Variants in ITGA2 observed in about 807,000 individuals in gnomAD.
The protein encoded by ITGA2 is integrin alpha-2.
ITGA2 carries 101 observed loss-of-function variants against 146.3 expected under a neutral mutation model. The ratio of observed to expected loss-of-function variants is 0.69; its 90% CI spans 0.59 to 0.81. The LOEUF is 0.81. Among genes scored for constraint, ITGA2 ranks in the 40% least tolerant of loss-of-function variants. The pLI is 0.00. For missense variants in ITGA2, 1,281 were observed against 1,402.7 expected (o/e 0.91, Z 1.39); for synonymous variants, 477 against 487.1 (o/e 0.98, Z 0.27).
intron 1 of ITGA2, among the ~76,000 whole-genome samples, chr5:53,016,497 T>C (rs1742405339): frequency 6.6e-6 from 1 of 152,188 alleles, no homozygotes. Context: ...ACCTAGCCCT[T>C]CTTTCTGGCT....
chr5:53,058,297 T>TTCA (rs1744736210), intron 10 of ITGA2, among the ~76,000 whole-genome samples, 196 bp downstream of exon 10: 1 of 151,850 alleles, frequency 6.6e-6, no homozygotes, highest in African/African-American at 2.4e-5. Flanking sequence ...CCTTCCCTGT[T>TTCA]TCACAGGGAT....
At chr5:53,006,702 T>C (rs188830821) in intron 1 of ITGA2, among the ~76,000 whole-genome samples, 3 of 152,160 alleles carry the variant, frequency 2.0e-5, no homozygotes, top group African/African-American at 7.2e-5. Context: ...GTCAAAGGCA[T>C]ATTTATTATA....
At chr5:53,086,369 A>ACTG (rs979896478) in intron 27 of ITGA2, among the ~76,000 whole-genome samples, 1 of 152,206 alleles carries the variant, frequency 6.6e-6, no homozygotes, top group Non-Finnish European at 1.5e-5. Flanking sequence ...CTGAAGTTAT[A>ACTG]CTGATGTGAT....
chr5:53,042,649 G>A (rs1474149466), intron 3 of ITGA2, among the ~76,000 whole-genome samples: 2 of 152,076 alleles, frequency 1.3e-5, no homozygotes, highest in African/African-American at 4.8e-5. Context: ...CTAAATGATG[G>A]CATTCTAATA....
At chr5:53,049,223 G>A (rs565119512) in intron 6 of ITGA2, among the ~76,000 whole-genome samples, 61 of 149,432 alleles carry the variant, frequency 4.1e-4, no homozygotes, top group African/African-American at 1.4e-3. Flanking sequence ...TGTTGGCCAG[G>A]CTGGCCTTGA....
intron 3 of ITGA2, 62 bp downstream of exon 3, chr5:53,042,283 C>T: frequency 9.7e-7 from 1 of 1,029,570 alleles, no homozygotes; most frequent in Non-Finnish European, 1.5e-6. Context: ...AAAATAACAT[C>T]AGAACAATCA....
intron 1 of ITGA2, among the ~76,000 whole-genome samples, chr5:53,019,050 C>T (rs1031749613): frequency 2.0e-5 from 3 of 150,662 alleles, no homozygotes; most frequent in African/African-American, 7.4e-5. Context: ...GGTAACAGAG[C>T]GAGACTCCAG....
At chr5:53,044,804 C>A (rs758567505) in intron 3 of ITGA2, among the ~76,000 whole-genome samples, 197 bp from the exon 4 acceptor site, 14 of 152,154 alleles carry the variant, frequency 9.2e-5, no homozygotes, top group Admixed American at 3.3e-4. Context: ...TGCTCTGCAG[C>A]CTCACACATT....
At position 52,989,380 on chromosome 5, in the gene ITGA2, T is replaced by A. The variant is rs543948644; in HGVS notation, c.-89T>A. ...GAAGCCCTCTGGACAGCTTCTAGAG[T>A]GTGCAGGTTCTCGTATCCCTCGGCC... On this transcript the variant is annotated 5_prime_UTR_variant, in exon 1 of 30. Transcript: ENST00000296585. 4.0e-5 allele frequency: 53 copies of A among 1,335,336 alleles called. No individual in the cohort carries two copies. The highest frequency in any genetic ancestry group is 7.1e-5 in the South Asian group (6 of 84,898). The allele number at this position is 1,335,336 out of a possible 1,614,324, so 82.7% of individuals were successfully genotyped here.
chr5:53,042,522 C>A (rs576352077), intron 3 of ITGA2, among the ~76,000 whole-genome samples: 2 of 152,218 alleles, frequency 1.3e-5, no homozygotes, highest in Admixed American at 6.5e-5. Flanking sequence ...ATCCTTGAAT[C>A]CGAGGCTATC....
At chr5:53,048,878 C>A in intron 6 of ITGA2, 108 bp downstream of exon 6, 2 of 1,193,236 alleles carry the variant, frequency 1.7e-6, no homozygotes, top group Non-Finnish European at 2.4e-6. Context: ...ATTTTAAATG[C>A]ATTTGATGGT....
chr5:53,021,060 C>G (rs982631251), intron 1 of ITGA2, among the ~76,000 whole-genome samples: 2 of 151,968 alleles, frequency 1.3e-5, no homozygotes, highest in Non-Finnish European at 2.9e-5. Flanking sequence ...CACAATTGTA[C>G]TGTTTGTTGT....
In ITGA2 at chr5:53,090,047, TG is replaced by T; in HGVS notation, c.3451del (p.Ala1151GlnfsTer16). 1 of 1,598,418 alleles carries T rather than the reference TG, an allele frequency of 6.3e-7. No homozygotes were observed. Among genetic ancestry groups the T allele is most frequent in the East Asian group, 2.2e-5 (1 of 44,780 alleles). On this transcript the variant is annotated frameshift_variant, in exon 29 of 30. Transcript: ENST00000296585. LOFTEE classifies it high-confidence loss of function. ...AGILLLLALV[A>X]ILWKLGFFKR... ...GAATCCTTTTGCTGTTAGCTCTGGT[TG>T]CAATTTTATGGAAGGTAAGAAAAGC...
In ITGA2 at chr5:53,055,518, T is replaced by C. The variant is rs769855247; in HGVS notation, c.780-20T>C. 6.2e-7 allele frequency: 1 copy of C among 1,611,722 alleles called. No individual in the cohort carries two copies. The highest frequency in any genetic ancestry group is 8.5e-7 in the Non-Finnish European group (1 of 1,178,296). On this transcript the variant is annotated intron_variant, in intron 7 of 29. Coordinates refer to ENST00000296585, the MANE Select transcript of ITGA2 (RefSeq NM_002203.4). ...TTCATATTTTGATAGCAAGTCTTTA[T>C]TTAATTTTATCTGCCACAGAAAATA...
intron 7 of ITGA2, among the ~76,000 whole-genome samples, chr5:53,053,364 G>T (rs1036299067): frequency 2.4e-4 from 36 of 152,140 alleles, no homozygotes; most frequent in Non-Finnish European, 1.2e-4. Context: ...CATCTCATAA[G>T]CTGCTGGCCA....
In ITGA2 at chr5:53,048,733, T is replaced by G. The variant is rs1044621147; in HGVS notation, c.593T>G (p.Phe198Cys). 6.2e-7 allele frequency: 1 copy of G among 1,614,044 alleles called. No individual in the cohort carries two copies. The highest frequency in any genetic ancestry group is 8.5e-7 in the Non-Finnish European group (1 of 1,179,932). ...WDAVKNFLEK[F>C]VQGLDIGPTK... ...GCAGTAAAGAATTTTTTGGAAAAATTTGTACAAGGCCTGGATATAGGCCCC... is the reference window on the plus strand; with the variant it reads ...GCAGTAAAGAATTTTTTGGAAAAATGTGTACAAGGCCTGGATATAGGCCCC... Residue 198 changes from phenylalanine (F) to cysteine (C), a missense_variant, in exon 6 of 30, where the codon TTT becomes TGT. Physicochemically the swap from Phe to Cys is radical, Grantham distance 205. Coordinates refer to ENST00000296585, the MANE Select transcript of ITGA2 (RefSeq NM_002203.4).
At chr5:53,040,461 C>T (rs1041141401) in intron 2 of ITGA2, among the ~76,000 whole-genome samples, 2 of 152,160 alleles carry the variant, frequency 1.3e-5, no homozygotes, top group African/African-American at 2.4e-5. Context: ...CTCAAACACG[C>T]GTTCCAATTC....
chr5:53,046,549 G>A (rs1374960393), intron 4 of ITGA2, among the ~76,000 whole-genome samples: 2 of 151,636 alleles, frequency 1.3e-5, no homozygotes, highest in South Asian at 4.2e-4. Context: ...TTTAAAAAAA[G>A]AACATACTGA....
chr5:53,029,575 T>C (rs3212429), intron 2 of ITGA2, among the ~76,000 whole-genome samples: 10,600 of 152,216 alleles, frequency 0.07, 593 homozygotes, highest in African/African-American at 0.15. Flanking sequence ...AGCAACCCTA[T>C]CTATATAGCA....
Sources: gnomAD v4.1 joint callset for allele counts (sites outside exome capture counted in the v4.1 genomes callset) on GRCh38, gnomAD v4.1.1 for gene constraint, MANE v1.5 for transcripts, NCBI Gene and HGNC (gene_info 2026-07-23, HGNC 2026-07-21) for gene names.